Variants in CDH1 observed in about 807,000 individuals in gnomAD.
CDH1 encodes cadherin 1.
In CDH1, 35 loss-of-function variants were observed where a neutral mutation model predicts 84.5. The ratio of observed to expected loss-of-function variants is 0.41; its 90% CI spans 0.32 to 0.55. The LOEUF (loss-of-function observed/expected upper bound fraction) is 0.55, where lower values mean the gene tolerates loss of function less well. Among genes scored for constraint, CDH1 ranks in the 20% least tolerant of loss-of-function variants. CDH1 has a pLI of 0.19. For synonymous variants in CDH1, 417 were observed against 439.0 expected, an observed-to-expected ratio of 0.95 and a Z score of 0.63; for missense variants, 994 against 1,126.6, an observed-to-expected ratio of 0.88 and a Z score of 1.68.
chr16:68,777,628 C>T (rs772062340), intron 2 of CDH1, among the ~76,000 whole-genome samples: 3 of 148,040 alleles, frequency 2.0e-5, no homozygotes, highest in Non-Finnish European at 3.0e-5. Flanking sequence ...ATTGCAGCCT[C>T]GACCTCCCAG....
rs868672278 is a variant in CDH1, at chr16:68,800,050, C to A, written c.164-1620C>A. On this transcript the variant is annotated intron_variant, in intron 2 of 15. Transcript: ENST00000261769. ...ATAATAATTAAAAAAAAAAAAAAAA[C>A]CAAGGTTGGCTGGGCACACTGGCTT... Among the ~76,000 whole-genome samples, 33 of 132,830 alleles carry A rather than the reference C, an allele frequency of 2.5e-4. No individual in the cohort carries two copies. The East Asian group carries it at 3.9e-3, about 16-fold the overall frequency. 87.1% of individuals were successfully genotyped at this position (132,830 alleles called of 152,430 possible). A position where few individuals can be genotyped will look rare whatever the true frequency, so the allele number is the denominator to read the frequency against.
chr16:68,758,401 G>C (rs967865494), intron 2 of CDH1, among the ~76,000 whole-genome samples: 1 of 151,522 alleles, frequency 6.6e-6, no homozygotes, highest in African/African-American at 2.4e-5. Context: ...TGCTTCCAGT[G>C]CCTGGTACGT....
intron 12 of CDH1, chr16:68,822,701 C>A: frequency 3.3e-6 from 1 of 306,320 alleles, no homozygotes; most frequent in Non-Finnish European, 6.3e-6. Context: ...CTATTTCCAC[C>A]ATGACGATGT....
At chr16:68,739,547 G>A (rs1962503386) in intron 2 of CDH1, among the ~76,000 whole-genome samples, 1 of 151,878 alleles carries the variant, frequency 6.6e-6, no homozygotes, top group South Asian at 2.1e-4. Context: ...TTGCAGGCCT[G>A]AGAGACTGTG....
chr16:68,747,187 A>G (rs1252980206), intron 2 of CDH1, among the ~76,000 whole-genome samples: 2 of 152,088 alleles, frequency 1.3e-5, no homozygotes, highest in African/African-American at 4.8e-5. Context: ...GGCCTTGATG[A>G]GTAAGAGGGT....
chr16:68,778,268 G>A (rs574619969), intron 2 of CDH1, among the ~76,000 whole-genome samples: 8 of 152,058 alleles, frequency 5.3e-5, no homozygotes, highest in South Asian at 2.1e-4. Context: ...GGCTGGTCTC[G>A]AATTCCTGAC....
chr16:68,800,034 A>T lies in CDH1; in HGVS notation c.164-1636A>T, dbSNP rs528883957. Among the ~76,000 whole-genome samples the T allele has an allele frequency of 1.3e-3, 87 of 69,204 alleles. No individual in the cohort carries two copies. The South Asian group carries it at 0.018, about 15-fold the overall frequency. The allele number at this position is 69,204 out of a possible 152,430, so 45.4% of individuals were successfully genotyped here. A position where few individuals can be genotyped will look rare whatever the true frequency, so the allele number is the denominator to read the frequency against. On this transcript the variant is annotated intron_variant, in intron 2 of 15. Transcript: ENST00000261769. ...AAAAAAATTAATAGTAATAATAATT[A>T]AAAAAAAAAAAAAAACCAAGGTTGG...
At chr16:68,776,853 A>G (rs1959746522) in intron 2 of CDH1, among the ~76,000 whole-genome samples, 1 of 152,198 alleles carries the variant, frequency 6.6e-6, no homozygotes, top group African/African-American at 2.4e-5. Flanking sequence ...TGTAGTTCTC[A>G]CGACAGTCCT....
chr16:68,788,054 T>C (rs1960112220), intron 2 of CDH1, among the ~76,000 whole-genome samples: 1 of 152,150 alleles, frequency 6.6e-6, no homozygotes, highest in Admixed American at 6.6e-5. Flanking sequence ...CTTAAACTCC[T>C]GACCTCAAGT....
At chr16:68,821,568 C>A (rs1295223464) in intron 11 of CDH1, among the ~76,000 whole-genome samples, 3 of 151,738 alleles carry the variant, frequency 2.0e-5, no homozygotes, top group Non-Finnish European at 4.4e-5. Flanking sequence ...TGATTTTAAG[C>A]TTCTAGTCAG....
rs1005743424 is a variant in CDH1, at chr16:68,738,428, G to C, written c.163+17G>C. 15 of 1,505,818 alleles carry C rather than the reference G, an allele frequency of 1.0e-5. No homozygotes were observed. Among genetic ancestry groups the C allele is most frequent in the South Asian group, 2.4e-5 (2 of 82,650 alleles). The allele number at this position is 1,505,818 out of a possible 1,614,324, so 93.3% of individuals were successfully genotyped here. ...TGGGCAGAGGTGAGGGCGCGCTGCC[G>C]GTGTCCCTGGGCGGAGTAGGGAGGG... On this transcript the variant is annotated intron_variant, in intron 2 of 15. Transcript: ENST00000261769.
chr16:68,750,996 C>G (rs1962872017), intron 2 of CDH1, among the ~76,000 whole-genome samples: 1 of 152,138 alleles, frequency 6.6e-6, no homozygotes, highest in South Asian at 2.1e-4. Context: ...TGACGCCCAG[C>G]TGTTTCTCTA....
In CDH1 at chr16:68,812,095, T is replaced by C. The variant is rs764340593; in HGVS notation, c.1009-40T>C. The C allele has an allele frequency of 9.9e-6, 16 of 1,613,652 alleles. 1 individual carries two copies. The South Asian group carries it at 1.5e-4, about 16-fold the overall frequency. On this transcript the variant is annotated intron_variant, in intron 7 of 15. Transcript: ENST00000261769. ...GCTGGGCTAGGCCAAAGGTGGCTAG[T>C]GTTCCTGGTCCTGACTTGGTTGTGT...
chr16:68,743,359 C>CTTTCTTTCTTTCTTTTCT (rs1555510238), intron 2 of CDH1, among the ~76,000 whole-genome samples: 10 of 55,626 alleles, frequency 1.8e-4, no homozygotes, highest in East Asian at 5.6e-4. Context: ...TTCTTTCTTT[C>CTTTCTTTCTTTCTTTTCT]TTTCTTTTCT....
chr16:68,778,267 C>T (rs9938964), intron 2 of CDH1, among the ~76,000 whole-genome samples: 1,770 of 151,988 alleles, frequency 0.012, 32 homozygotes, highest in African/African-American at 0.041. Flanking sequence ...AGGCTGGTCT[C>T]GAATTCCTGA....
intron 11 of CDH1, among the ~76,000 whole-genome samples, chr16:68,819,730 T>C (rs1018030407): frequency 4.6e-5 from 7 of 152,180 alleles, no homozygotes; most frequent in African/African-American, 7.2e-5. Flanking sequence ...TGTCTATCAT[T>C]CCACAATCTA....
Position 68,808,547 on chromosome 16 carries a change from T to A in CDH1, c.511T>A (p.Phe171Ile), listed in dbSNP as rs762388314. Residue 171 changes from phenylalanine to isoleucine, a missense_variant, in exon 4 of 16, where the codon TTT (phenylalanine) becomes ATT (isoleucine). This residue lies in a region of CDH1 where 22 missense variants were observed against 50.8 expected (regional missense o/e 0.43). Transcript: ENST00000261769. ...CTGCCCAGAAAATGAAAAAGGCCCA[T>A]TTCCTAAAAACCTGGTTCAGGTAGA... Reference protein sequence around the residue: ...ISCPENEKGPFPKNLVQIKSN... With the variant: ...ISCPENEKGPIPKNLVQIKSN... 1.2e-6 allele frequency: 2 copies of A among 1,614,064 alleles called. No homozygotes were observed. Among genetic ancestry groups the A allele is most frequent in the Non-Finnish European group, 1.7e-6 (2 of 1,180,040 alleles).
chr16:68,755,322 T>C (rs1409838290), intron 2 of CDH1, among the ~76,000 whole-genome samples: 1 of 149,870 alleles, frequency 6.7e-6, no homozygotes, highest in Non-Finnish European at 1.5e-5. Context: ...GGACTGTATC[T>C]TGAGGGGACT....
intron 12 of CDH1, chr16:68,823,192 C>A (rs1469494158): frequency 3.6e-6 from 2 of 560,936 alleles, no homozygotes; most frequent in Non-Finnish European, 6.3e-6. Flanking sequence ...AACTCTAGAG[C>A]CCTCTCCCAA....
Sources: allele counts gnomAD v4.1 joint callset (sites outside exome capture counted in the v4.1 genomes callset), GRCh38; gene constraint gnomAD v4.1.1; regional missense constraint gnomAD v4.1.1; transcripts MANE v1.5; gene names NCBI Gene and HGNC (gene_info 2026-07-23, HGNC 2026-07-21).